The following FARS2 variants were observed in gnomAD, a reference collection of about 807,000 sequenced individuals.
FARS2 encodes phenylalanyl-tRNA synthetase 2, mitochondrial.
FARS2 carries 40 observed loss-of-function variants against 46.4 expected under a neutral mutation model. The observed-to-expected ratio is 0.86, with a 90% CI of 0.67 to 1.12. The LOEUF is 1.12. FARS2 is among the 50% of genes most tolerant of loss of function. The pLI is 0.00. For missense variants in FARS2, 513 were observed against 567.9 expected, an observed-to-expected ratio of 0.90 and a Z score of 0.98; for synonymous variants, 234 against 214.9, an observed-to-expected ratio of 1.09 and a Z score of -0.78.
chr6:5,269,449 T>TA (rs1288560658), intron 1 of FARS2, among the ~76,000 whole-genome samples: 4 of 111,022 alleles, frequency 3.6e-5, no homozygotes, highest in Admixed American at 9.7e-5. Flanking sequence ...CCCTAGAACT[T>TA]AAAGTATAAT....
intron 4 of FARS2, among the ~76,000 whole-genome samples, chr6:5,501,859 G>C (rs1202760737): frequency 6.6e-6 from 1 of 152,206 alleles, no homozygotes; most frequent in African/African-American, 2.4e-5. Context: ...GAATGGGCTT[G>C]ATAGACCTTT....
intron 1 of FARS2, among the ~76,000 whole-genome samples, chr6:5,280,411 T>G (rs1766639083): frequency 1.3e-5 from 2 of 152,158 alleles, no homozygotes; most frequent in East Asian, 3.9e-4. Flanking sequence ...GGCAGGTGAT[T>G]TAGAGGGAGA....
At chr6:5,491,856 C>T (rs1251425690) in intron 4 of FARS2, among the ~76,000 whole-genome samples, 4 of 152,164 alleles carry the variant, frequency 2.6e-5, no homozygotes, top group African/African-American at 9.7e-5. Flanking sequence ...AAAATCATAT[C>T]CAGTCAAATT....
At chr6:5,453,501 C>T (rs1297874202) in intron 4 of FARS2, among the ~76,000 whole-genome samples, 1 of 152,140 alleles carries the variant, frequency 6.6e-6, no homozygotes, top group African/African-American at 2.4e-5. Flanking sequence ...ATCTATGAGG[C>T]GGAATGTGTT....
At chr6:5,597,124 C>T (rs898643230) in intron 5 of FARS2, among the ~76,000 whole-genome samples, 2 of 152,182 alleles carry the variant, frequency 1.3e-5, no homozygotes, top group African/African-American at 4.8e-5. Flanking sequence ...AGCAGCTGCT[C>T]CAGAAAGCAC....
chr6:5,511,439 CATA>C (rs2150403643), intron 4 of FARS2, among the ~76,000 whole-genome samples: 1 of 152,282 alleles, frequency 6.6e-6, no homozygotes, highest in Admixed American at 6.5e-5. Context: ...CTCTTAAACA[CATA>C]ATAATCAAAA....
intron 6 of FARS2, among the ~76,000 whole-genome samples, chr6:5,741,185 G>A (rs555921656): frequency 6.6e-6 from 1 of 152,298 alleles, no homozygotes; most frequent in East Asian, 1.9e-4. Context: ...TAAGTTTGAG[G>A]AAGAAAGGTT....
intron 1 of FARS2, among the ~76,000 whole-genome samples, chr6:5,276,389 T>C (rs1199672614): frequency 1.3e-5 from 2 of 152,208 alleles, no homozygotes; most frequent in Non-Finnish European, 2.9e-5. Flanking sequence ...ACATAATTTA[T>C]TTCCTACATC....
At chr6:5,352,689 A>G (rs1235343434) in intron 1 of FARS2, among the ~76,000 whole-genome samples, 2 of 151,968 alleles carry the variant, frequency 1.3e-5, no homozygotes, top group African/African-American at 4.8e-5. Context: ...TTTGAGATGT[A>G]AATACTTGCT....
Position 5,650,138 on chromosome 6 carries a change from G to A in FARS2, c.1217+36818G>A, listed in dbSNP as rs574121110. On this transcript the variant is annotated intron_variant, in intron 6 of 6. Coordinates refer to ENST00000274680, the MANE Select transcript of FARS2 (RefSeq NM_006567.5). Reference sequence around the variant, plus strand: ...AGAATTCACGGAGCAAAAGTGCAGGGGCATTCAGGAGGGGGACATGGAATG... The same window carrying A: ...AGAATTCACGGAGCAAAAGTGCAGGAGCATTCAGGAGGGGGACATGGAATG... Among the ~76,000 whole-genome samples, 301 of 152,226 alleles carry A rather than the reference G, an allele frequency of 2.0e-3. 2 individuals are homozygous for A. The highest frequency in any genetic ancestry group is 7.1e-3 in the African/African-American group (295 of 41,528).
At chr6:5,458,609 TA>T (rs1765049393) in intron 4 of FARS2, among the ~76,000 whole-genome samples, 1 of 152,234 alleles carries the variant, frequency 6.6e-6, no homozygotes, top group African/African-American at 2.4e-5. Flanking sequence ...ATCCACCTCA[TA>T]CACGTGGATA....
intron 1 of FARS2, among the ~76,000 whole-genome samples, chr6:5,323,225 T>A (rs553225157): frequency 6.6e-6 from 1 of 152,352 alleles, no homozygotes; most frequent in East Asian, 1.9e-4. Context: ...ATTCTAGATT[T>A]TTCTCTGATC....
intron 6 of FARS2, among the ~76,000 whole-genome samples, chr6:5,729,709 T>G (rs147453080): frequency 6.6e-6 from 1 of 152,224 alleles, no homozygotes; most frequent in Non-Finnish European, 1.5e-5. Flanking sequence ...CCCTCATTTT[T>G]TTAGGCACAG....
intron 5 of FARS2, among the ~76,000 whole-genome samples, chr6:5,567,716 T>C (rs934003969): frequency 6.6e-6 from 1 of 152,262 alleles, no homozygotes; most frequent in Non-Finnish European, 1.5e-5. Flanking sequence ...TTTATGCATA[T>C]ATACGACATA....
chr6:5,659,624 A>G (rs1777758976), intron 6 of FARS2, among the ~76,000 whole-genome samples: 2 of 152,142 alleles, frequency 1.3e-5, no homozygotes, highest in Admixed American at 1.3e-4. Flanking sequence ...TCTATCTATA[A>G]GTCATTCATC....
the FARS2 span, among the ~76,000 whole-genome samples, chr6:5,255,574 C>A: frequency 6.6e-6 from 1 of 151,954 alleles, no homozygotes; most frequent in Non-Finnish European, 1.5e-5. Context: ...TATTTAAGAA[C>A]GTAAAAGGCC....
upstream of FARS2, among the ~76,000 whole-genome samples, chr6:5,257,038 C>T (rs1448507620): frequency 6.6e-6 from 1 of 152,194 alleles, no homozygotes; most frequent in Non-Finnish European, 1.5e-5. Context: ...CTAATCTCTA[C>T]TCTGCACTGT....
intron 6 of FARS2, among the ~76,000 whole-genome samples, chr6:5,660,700 T>A (rs528204440): frequency 2.1e-5 from 3 of 142,812 alleles, no homozygotes; most frequent in East Asian, 4.1e-4. Context: ...CAAGGTTGAG[T>A]GTGAGGCCAG....
At chr6:5,547,715 A>G (rs1771120286) in intron 5 of FARS2, among the ~76,000 whole-genome samples, 1 of 152,190 alleles carries the variant, frequency 6.6e-6, no homozygotes, top group South Asian at 2.1e-4. Context: ...TCCATTTTCC[A>G]ATCTGCCATG....
Sources: gnomAD v4.1 joint callset for allele counts (sites outside exome capture counted in the v4.1 genomes callset) on GRCh38, gnomAD v4.1.1 for gene constraint, MANE v1.5 for transcripts, NCBI Gene and HGNC (gene_info 2026-07-23, HGNC 2026-07-21) for gene names.